REV3L: variants seen among roughly 807,000 people sequenced by gnomAD.
The protein encoded by REV3L is DNA polymerase zeta catalytic subunit.
A neutral mutation model predicts 299.4 loss-of-function variants in REV3L; 69 were observed. The ratio of observed to expected loss-of-function variants is 0.23; its 90% confidence interval spans 0.19 to 0.28. REV3L has a LOEUF of 0.28. Among genes scored for constraint, REV3L ranks in the 10% least tolerant of loss-of-function variants. REV3L has a pLI of 1.00. For synonymous variants in REV3L, 1,238 were observed against 1,271.4 expected (o/e 0.97, Z 0.56); for missense variants, 3,128 against 3,693.8 (o/e 0.85, Z 3.97).
intron 1 of REV3L, among the ~76,000 whole-genome samples, chr6:111,435,799 C>A (rs1485699503): frequency 4.0e-5 from 6 of 151,716 alleles, no homozygotes; most frequent in African/African-American, 1.5e-4. Flanking sequence ...GGCAACCAAG[C>A]CAAAAATAGA....
rs925219199 is a variant in REV3L at position 111,448,680 on chromosome 6, G to A, written c.140-32208C>T. 1.2e-3 allele frequency among the ~76,000 whole-genome samples: 188 copies of A among 151,800 alleles called. 1 individual carries two copies. Among genetic ancestry groups the A allele is most frequent in the African/African-American group, 4.2e-3 (173 of 41,396 alleles). ...CTGTCACCCAGGCTGGAGTGCCATG[G>A]CACAATCACGGCTCACTGTAGCCTC... On this transcript the variant is annotated intron_variant, in intron 1 of 31. Transcript: ENST00000368802.
intron 3 of REV3L, among the ~76,000 whole-genome samples, chr6:111,405,998 CAG>C (rs1783577119): frequency 1.3e-5 from 2 of 152,248 alleles, no homozygotes; most frequent in South Asian, 4.1e-4. Flanking sequence ...TCCCACCACT[CAG>C]AGGTATTGCC....
rs1166073774 is a variant in REV3L, at chr6:111,374,059, T to C, written c.4296A>G (p.Ile1432Met). Residue 1432 changes from isoleucine to methionine, a missense_variant, in exon 13 of 32, where the codon ATA (isoleucine) becomes ATG (methionine). This residue lies in a region of REV3L where 2,409 missense variants were observed against 2,611.8 expected (regional missense o/e 0.92). Transcript: ENST00000368802. ...TTTCACTGTGCTTTGACTGTTCCGC[T>C]ATGCACACAATCTGCTGCTGACTGT... ...CKDSQQQIVC[I>M]AEQSKHSETC... is the part of the protein sequence containing the mutation. 1.2e-6 allele frequency: 2 copies of C among 1,614,046 alleles called. No homozygotes were observed. Among genetic ancestry groups the C allele is most frequent in the African/African-American group, 1.3e-5 (1 of 74,948 alleles).
intron 22 of REV3L, among the ~76,000 whole-genome samples, chr6:111,333,783 C>T (rs916284126): frequency 8.5e-5 from 13 of 152,142 alleles, no homozygotes; most frequent in African/African-American, 2.9e-4. Flanking sequence ...GCCTGTAATA[C>T]TGGTTATTTA....
chr6:111,482,879 C>T lies in REV3L; in HGVS notation c.10G>A (p.Val4Ile). The T allele has an allele frequency of 6.6e-7, 1 of 1,516,736 alleles. No homozygotes were observed. The highest frequency in any genetic ancestry group is 8.8e-7 in the Non-Finnish European group (1 of 1,141,812). 94.0% of individuals were successfully genotyped at this position (1,516,736 alleles called of 1,614,324 possible). MFSVRIVTADYYMA... is the reference protein window; with the variant it reads MFSIRIVTADYYMA... ...TAGTAGTCTGCAGTCACTATCCTTA[C>T]TGAAAACATGTTCGCCGCCGCCGCC... Residue 4 changes from valine to isoleucine, a missense_variant, in exon 1 of 32, where the codon GTA becomes ATA. Transcript: ENST00000368802.
intron 4 of REV3L, among the ~76,000 whole-genome samples, chr6:111,399,482 G>A (rs766003514): frequency 6.6e-6 from 1 of 152,102 alleles, no homozygotes; most frequent in Non-Finnish European, 1.5e-5. Context: ...TTCCACTAAT[G>A]TCCTCTTTCT....
chr6:111,311,024 C>T (rs183069796), intron 29 of REV3L, 45 bp downstream of exon 29: 6 of 1,490,500 alleles, frequency 4.0e-6, no homozygotes, highest in African/African-American at 2.8e-5. Context: ...TAGACCTGTG[C>T]AGAATCTCAG....
chr6:111,395,840 T>C lies in REV3L; in HGVS notation c.566-2868A>G, dbSNP rs138073333. On this transcript the variant is annotated intron_variant, in intron 4 of 31. Coordinates refer to ENST00000368802, the MANE Select transcript of REV3L (RefSeq NM_001372078.1). Reference sequence around the variant, plus strand: ...AAATGTGGGTTTTTCAGACATGATGTTCATTATTTGAGGTATGATCCTTCT... The same window carrying C: ...AAATGTGGGTTTTTCAGACATGATGCTCATTATTTGAGGTATGATCCTTCT... 3.3e-5 allele frequency among the ~76,000 whole-genome samples: 5 copies of C among 152,302 alleles called. No homozygotes were observed. In the East Asian group the frequency reaches 9.6e-4, roughly 29 times the overall value.
chr6:111,384,376 A>G (rs1781126804), intron 9 of REV3L, among the ~76,000 whole-genome samples: 1 of 152,158 alleles, frequency 6.6e-6, no homozygotes, highest in Non-Finnish European at 1.5e-5. Flanking sequence ...GGGATTAATA[A>G]CCAAAATATA....
intron 1 of REV3L, among the ~76,000 whole-genome samples, chr6:111,470,161 G>T (rs1006205783): frequency 6.7e-6 from 1 of 149,794 alleles, no homozygotes; most frequent in African/African-American, 2.5e-5. Context: ...AGAGTACCAG[G>T]GTTTACTATC....
In REV3L at chr6:111,459,210, G is replaced by T. The variant is rs139185109; in HGVS notation, c.139+23540C>A. 2.6e-4 allele frequency among the ~76,000 whole-genome samples: 39 copies of T among 152,218 alleles called. 1 individual carries two copies. The highest frequency in any genetic ancestry group is 9.1e-4 in the African/African-American group (38 of 41,544). On this transcript the variant is annotated intron_variant, in intron 1 of 31. Transcript: ENST00000368802. ...AAGTCCCTATTCAATACATGGTGCT[G>T]GGATAACTGGCTAGCCATATGCAGA...
intron 16 of REV3L, among the ~76,000 whole-genome samples, chr6:111,363,298 CTTTT>C (rs1212658575): frequency 6.6e-6 from 1 of 151,772 alleles, no homozygotes; most frequent in African/African-American, 2.4e-5. Context: ...AGACTTACTT[CTTTT>C]TTTTGTTTTT....
intron 1 of REV3L, among the ~76,000 whole-genome samples, chr6:111,454,245 A>G (rs1231899776): frequency 1.3e-5 from 2 of 151,970 alleles, no homozygotes; most frequent in Admixed American, 1.3e-4. Context: ...GCTGGACCCA[A>G]TTTCAAACAC....
intron 1 of REV3L, among the ~76,000 whole-genome samples, chr6:111,453,751 A>ACC (rs2128318905): frequency 6.6e-6 from 1 of 152,276 alleles, no homozygotes; most frequent in Non-Finnish European, 1.5e-5. Context: ...TGGGAGGCTG[A>ACC]GGCGGGTAGA....
chr6:111,324,472 T>C (rs1162249042), intron 25 of REV3L, among the ~76,000 whole-genome samples: 1 of 152,204 alleles, frequency 6.6e-6, no homozygotes, highest in Non-Finnish European at 1.5e-5. Context: ...AACTTTTAAA[T>C]ATGTGAGGAA....
At chr6:111,391,066 ATTT>A (rs35980642) in intron 5 of REV3L, among the ~76,000 whole-genome samples, 1 of 137,458 alleles carries the variant, frequency 7.3e-6, no homozygotes. Context: ...ACACTTTGGT[ATTT>A]TTTTTTTTTT....
chr6:111,371,364 C>A (rs901544670), intron 13 of REV3L, among the ~76,000 whole-genome samples: 2 of 152,008 alleles, frequency 1.3e-5, no homozygotes, highest in African/African-American at 4.8e-5. Context: ...TGTGTGCGTG[C>A]GCTCACATGT....
intron 1 of REV3L, among the ~76,000 whole-genome samples, chr6:111,454,795 T>C (rs1323841499): frequency 5.3e-5 from 8 of 152,016 alleles, no homozygotes. Context: ...GCCTCCCGAG[T>C]AGCTGGGATT....
At chr6:111,323,321 C>T (rs240965) in intron 25 of REV3L, among the ~76,000 whole-genome samples, 92,695 of 152,026 alleles carry the variant, frequency 0.61, 29,083 homozygotes, top group East Asian at 0.77. Flanking sequence ...TACAACTCAT[C>T]AGGCAGAAAA....
Sources: gnomAD v4.1 joint callset for allele counts (sites outside exome capture counted in the v4.1 genomes callset) on GRCh38, gnomAD v4.1.1 for gene constraint, gnomAD v4.1.1 regional missense constraint, MANE v1.5 for transcripts, NCBI Gene and HGNC (gene_info 2026-07-23, HGNC 2026-07-21) for gene names.